Variants in FAM13C observed in about 807,000 individuals in gnomAD.
The protein encoded by FAM13C is protein FAM13C.
FAM13C carries 37 observed loss-of-function variants against 73.2 expected under a neutral mutation model. The ratio of observed to expected loss-of-function variants is 0.51; its 90% CI spans 0.39 to 0.67. The LOEUF (loss-of-function observed/expected upper bound fraction) is 0.67. Ranked by LOEUF, FAM13C falls within the 30% of genes least tolerant of loss-of-function variation. The probability of loss-of-function intolerance (pLI) is 0.00; values close to 1 mark genes in which losing one functional copy is unlikely to be tolerated. For missense variants in FAM13C, 589 were observed against 715.6 expected (o/e 0.82, Z 2.02); for synonymous variants, 246 against 260.9 (o/e 0.94, Z 0.55).
At chr10:59,306,831 G>A (rs1848317327) in intron 4 of FAM13C, among the ~76,000 whole-genome samples, 1 of 152,212 alleles carries the variant, frequency 6.6e-6, no homozygotes, top group Non-Finnish European at 1.5e-5. Context: ...CTGAGATCGT[G>A]CCACTGCACT....
chr10:59,299,671 T>C (rs1180849782), intron 5 of FAM13C, among the ~76,000 whole-genome samples: 2 of 152,166 alleles, frequency 1.3e-5, no homozygotes, highest in Admixed American at 6.5e-5. Context: ...TTCTGATCTA[T>C]TGAATGCTTA....
rs1317085604 is a variant in FAM13C, at chr10:59,317,896, T to TC, written c.443+6091dup. ...TCTCCTAATGCTATCCCTCCCCCCT[T>TC]CCCCCACCCCACAACAGTCCCCAGA... On this transcript the variant is annotated intron_variant, in intron 4 of 13. Transcript: ENST00000618804. 5.3e-5 allele frequency among the ~76,000 whole-genome samples: 8 copies of TC among 151,646 alleles called. No individual in the cohort carries two copies. In the East Asian group the frequency reaches 1.2e-3, roughly 22 times the overall value.
At chr10:59,277,780 T>C (rs762514408) in intron 6 of FAM13C, among the ~76,000 whole-genome samples, 17 of 152,218 alleles carry the variant, frequency 1.1e-4, no homozygotes, top group Non-Finnish European at 1.5e-4. Context: ...TATTAGAACT[T>C]TGGGGACTTA....
intron 3 of FAM13C, among the ~76,000 whole-genome samples, chr10:59,343,940 A>G (rs1853865235): frequency 2.6e-5 from 4 of 152,054 alleles, no homozygotes; most frequent in South Asian, 4.2e-4. Flanking sequence ...AATACTCTAT[A>G]AACTATTTCT....
At chr10:59,261,742 C>T (rs769859122) in intron 10 of FAM13C, among the ~76,000 whole-genome samples, 1 of 152,122 alleles carries the variant, frequency 6.6e-6, no homozygotes, top group Non-Finnish European at 1.5e-5. Context: ...CAGGGGACTA[C>T]AAGAAAGCTT....
intron 8 of FAM13C, among the ~76,000 whole-genome samples, chr10:59,268,330 T>C (rs1296493512): frequency 8.5e-5 from 13 of 152,092 alleles, no homozygotes. Flanking sequence ...TTGGAAATAA[T>C]AGTTGTAATC....
At position 59,271,996 on chromosome 10, in the gene FAM13C, G is replaced by T. The variant is rs191616403; in HGVS notation, c.593-1887C>A. Among the ~76,000 whole-genome samples the T allele has an allele frequency of 2.4e-3, 366 of 152,198 alleles. 1 individual carries two copies. Among genetic ancestry groups the T allele is most frequent in the Non-Finnish European group, 4.3e-3 (290 of 68,008 alleles). On this transcript the variant is annotated intron_variant, in intron 6 of 13. Coordinates refer to ENST00000618804, the MANE Select transcript of FAM13C (RefSeq NM_198215.4). ...ATAATGCCAAAATGGAAATACTTGGGATCCTAGTAACATGACTGTGAAGCA... is the reference window on the plus strand; with the variant it reads ...ATAATGCCAAAATGGAAATACTTGGTATCCTAGTAACATGACTGTGAAGCA...
At chr10:59,325,569 C>T (rs484974) in intron 3 of FAM13C, among the ~76,000 whole-genome samples, 69,110 of 151,892 alleles carry the variant, frequency 0.45, 17,022 homozygotes, top group African/African-American at 0.66. Flanking sequence ...ACTGGTCAAA[C>T]TCTCTCACAC....
At position 59,299,122 on chromosome 10, in the gene FAM13C, C is replaced by T. The variant is rs543173592; in HGVS notation, c.507+3679G>A. Among the ~76,000 whole-genome samples, 14 of 152,166 alleles carry T rather than the reference C, an allele frequency of 9.2e-5. No homozygotes were observed. The East Asian group carries it at 2.3e-3, about 25-fold the overall frequency. ...TGAAATAGAGGATTTTAAATGTTCT[C>T]ATCACAAAGAACTGATACATATTCA... On this transcript the variant is annotated intron_variant, in intron 5 of 13. Coordinates refer to ENST00000618804, the MANE Select transcript of FAM13C (RefSeq NM_198215.4).
At chr10:59,295,574 C>G (rs967727583) in intron 5 of FAM13C, among the ~76,000 whole-genome samples, 33 of 152,262 alleles carry the variant, frequency 2.2e-4, no homozygotes, top group Admixed American at 1.2e-3. Flanking sequence ...GAAACTACCC[C>G]AGCCAGTGCC....
intron 4 of FAM13C, among the ~76,000 whole-genome samples, chr10:59,305,929 T>C (rs1291277811): frequency 6.6e-6 from 1 of 152,202 alleles, no homozygotes; most frequent in East Asian, 1.9e-4. Context: ...AAAATAGCTC[T>C]TTCCCACAAA....
intron 5 of FAM13C, chr10:59,300,773 A>G (rs962913870): frequency 2.0e-5 from 3 of 152,238 alleles, no homozygotes; most frequent in African/African-American, 7.2e-5. Flanking sequence ...TGAATAAAAC[A>G]CTAAAAAATA....
chr10:59,263,831 G>A, intron 9 of FAM13C: 1 of 475,134 alleles, frequency 2.1e-6, no homozygotes, highest in Non-Finnish European at 3.9e-6. Context: ...ATGTTGAAAT[G>A]TTCCTGGCAT....
chr10:59,348,223 T>C (rs1370233642), intron 3 of FAM13C, among the ~76,000 whole-genome samples: 1 of 152,170 alleles, frequency 6.6e-6, no homozygotes. Flanking sequence ...GGAATGATGA[T>C]CCCATAGCAC....
At chr10:59,260,851 G>A (rs961634419) in intron 10 of FAM13C, among the ~76,000 whole-genome samples, 1 of 152,038 alleles carries the variant, frequency 6.6e-6, no homozygotes, top group African/African-American at 2.4e-5. Flanking sequence ...CTCTCTTATT[G>A]TCATGATAAT....
At chr10:59,272,515 T>C (rs185594773) in intron 6 of FAM13C, among the ~76,000 whole-genome samples, 23 of 152,242 alleles carry the variant, frequency 1.5e-4, no homozygotes, top group East Asian at 5.8e-4. Flanking sequence ...TGCTTCCCAG[T>C]AGGGAGAAGC....
intron 3 of FAM13C, 80 bp downstream of exon 3, chr10:59,352,190 T>C: frequency 6.5e-7 from 1 of 1,527,348 alleles, no homozygotes. Flanking sequence ...AACAGTGCGC[T>C]CAAATCGTCT....
At chr10:59,356,237 G>C (rs1458908127) in intron 1 of FAM13C, among the ~76,000 whole-genome samples, 1 of 152,072 alleles carries the variant, frequency 6.6e-6, no homozygotes, top group Non-Finnish European at 1.5e-5. Context: ...AGGGGACATT[G>C]GACACCAATA....
chr10:59,340,154 T>C (rs2134168662), intron 3 of FAM13C, among the ~76,000 whole-genome samples: 1 of 152,304 alleles, frequency 6.6e-6, no homozygotes, highest in Middle Eastern at 3.4e-3. Context: ...AACCAAATAA[T>C]GAACATTTCA....
Sources: allele counts gnomAD v4.1 joint callset (sites outside exome capture counted in the v4.1 genomes callset), GRCh38; gene constraint gnomAD v4.1.1; transcripts MANE v1.5; gene names NCBI Gene and HGNC (gene_info 2026-07-23, HGNC 2026-07-21).